The following NME7 variants were observed in gnomAD, a reference collection of about 807,000 sequenced individuals.
NME7 encodes the protein NME/NM23 family member 7, also known as nucleoside diphosphate kinase 7.
A neutral mutation model predicts 49.1 loss-of-function variants in NME7; 41 were observed. That is an observed-to-expected ratio of 0.83 (90% CI 0.65 to 1.08). The LOEUF is 1.08. Ranked by LOEUF, NME7 falls within the 50% of genes least tolerant of loss-of-function variation. NME7 has a pLI of 0.00. For synonymous variants in NME7, 139 were observed against 150.6 expected, an observed-to-expected ratio of 0.92 and a Z score of 0.56; for missense variants, 423 against 463.4, an observed-to-expected ratio of 0.91 and a Z score of 0.80.
At chr1:169,158,657 C>T (rs751978700) in intron 11 of NME7, among the ~76,000 whole-genome samples, 2 of 152,088 alleles carry the variant, frequency 1.3e-5, no homozygotes, top group Non-Finnish European at 2.9e-5. Context: ...GATTGGGAAC[C>T]GCTGCACTAG....
chr1:169,256,356 C>T (rs1466179271), intron 7 of NME7, among the ~76,000 whole-genome samples: 2 of 134,282 alleles, frequency 1.5e-5, no homozygotes, highest in African/African-American at 5.0e-5. Flanking sequence ...TTGATCGCAT[C>T]GACTCCTGAG....
chr1:169,258,405 T>TATATATATACAC (rs1422519342), intron 7 of NME7, among the ~76,000 whole-genome samples: 5 of 68,786 alleles, frequency 7.3e-5, no homozygotes, highest in African/African-American at 2.6e-4. Flanking sequence ...TATATATATA[T>TATATATATACAC]ACACACACAC....
intron 2 of NME7, among the ~76,000 whole-genome samples, chr1:169,323,807 TC>T (rs1226290818): frequency 4.6e-5 from 7 of 151,092 alleles, no homozygotes; most frequent in Non-Finnish European, 4.4e-5. Flanking sequence ...TTATTTCTTA[TC>T]CAAAACATGA....
chr1:169,180,741 C>T (rs1255424685), intron 10 of NME7, among the ~76,000 whole-genome samples: 2 of 152,068 alleles, frequency 1.3e-5, no homozygotes, highest in Admixed American at 1.3e-4. Flanking sequence ...ATTTATTTAA[C>T]CCTATATATT....
chr1:169,137,305 G>T lies in NME7; in HGVS notation c.1099-4488C>A, dbSNP rs569751975. ...ATTCTTAATGAATTTTGAAAAAAAGGCCTGACATTTTTATTCTGCACCAGT... is the reference window on the plus strand; with the variant it reads ...ATTCTTAATGAATTTTGAAAAAAAGTCCTGACATTTTTATTCTGCACCAGT... On this transcript the variant is annotated intron_variant, in intron 11 of 11. Coordinates refer to ENST00000367811, the MANE Select transcript of NME7 (RefSeq NM_013330.5). 3.3e-5 allele frequency among the ~76,000 whole-genome samples: 5 copies of T among 152,342 alleles called. No homozygotes were observed. In the South Asian group the frequency reaches 6.2e-4, roughly 19 times the overall value.
chr1:169,206,604 G>A (rs1660680787), intron 10 of NME7, among the ~76,000 whole-genome samples: 1 of 152,038 alleles, frequency 6.6e-6, no homozygotes, highest in South Asian at 2.1e-4. Flanking sequence ...GCCTGATGGA[G>A]CCTATGAACC....
chr1:169,275,196 C>T (rs34276437), intron 7 of NME7, among the ~76,000 whole-genome samples: 11,800 of 131,224 alleles, frequency 0.09, 3,160 homozygotes, highest in East Asian at 0.75. Context: ...CCTTATAAGT[C>T]GGATTCCTAC....
intron 7 of NME7, chr1:169,284,500 T>A (rs572137568): frequency 3.0e-4 from 45 of 152,256 alleles, no homozygotes; most frequent in African/African-American, 9.6e-4. Flanking sequence ...GTGAAATGGA[T>A]AGATTGCAAA....
At chr1:169,280,019 A>T (rs1455271424) in intron 7 of NME7, among the ~76,000 whole-genome samples, 3 of 152,136 alleles carry the variant, frequency 2.0e-5, no homozygotes, top group Non-Finnish European at 1.5e-5. Context: ...CCAATTCTAG[A>T]TCCTTGAGGA....
At chr1:169,300,258 CA>C (rs1650887091) in intron 5 of NME7, among the ~76,000 whole-genome samples, 1 of 151,964 alleles carries the variant, frequency 6.6e-6, no homozygotes, top group Non-Finnish European at 1.5e-5. Context: ...AAGTTTATAC[CA>C]AAAGATAATT....
At chr1:169,192,142 GA>G (rs1383507747) in intron 10 of NME7, among the ~76,000 whole-genome samples, 1 of 152,158 alleles carries the variant, frequency 6.6e-6, no homozygotes, top group Non-Finnish European at 1.5e-5. Flanking sequence ...ATACATAAAA[GA>G]TAAACTATAC....
At chr1:169,238,729 G>A (rs542597910) in intron 7 of NME7, among the ~76,000 whole-genome samples, 3 of 151,978 alleles carry the variant, frequency 2.0e-5, no homozygotes, top group South Asian at 2.1e-4. Context: ...ATAGCATGCT[G>A]TAGAAACAAA....
At chr1:169,216,554 T>C (rs1660978698) in intron 10 of NME7, among the ~76,000 whole-genome samples, 1 of 152,266 alleles carries the variant, frequency 6.6e-6, no homozygotes, top group Non-Finnish European at 1.5e-5. Context: ...TAAACGTGTT[T>C]CCCTTAGTTC....
intron 10 of NME7, among the ~76,000 whole-genome samples, chr1:169,212,004 G>A (rs1185540729): frequency 6.6e-6 from 1 of 151,992 alleles, no homozygotes; most frequent in East Asian, 1.9e-4. Context: ...TATATTCACA[G>A]AGAGAGTAAT....
chr1:169,341,172 C>T (rs531419319), intron 1 of NME7, among the ~76,000 whole-genome samples: 17 of 152,192 alleles, frequency 1.1e-4, no homozygotes, highest in Non-Finnish European at 1.3e-4. Flanking sequence ...AGGCCTGGGG[C>T]CCCACTGCTC....
chr1:169,360,567 C>T (rs1653617624), intron 1 of NME7, among the ~76,000 whole-genome samples: 1 of 152,208 alleles, frequency 6.6e-6, no homozygotes, highest in African/African-American at 2.4e-5. Flanking sequence ...CAGCTGTCCT[C>T]TCATTCCCTA....
At chr1:169,157,744 C>G (rs1203009120) in intron 11 of NME7, among the ~76,000 whole-genome samples, 1 of 152,208 alleles carries the variant, frequency 6.6e-6, no homozygotes, top group Non-Finnish European at 1.5e-5. Flanking sequence ...CTGCTGCTTC[C>G]AACTGTCAGT....
intron 10 of NME7, among the ~76,000 whole-genome samples, chr1:169,189,785 T>C (rs1335791140): frequency 1.3e-5 from 2 of 152,188 alleles, no homozygotes; most frequent in Non-Finnish European, 2.9e-5. Context: ...GTACTGTTTG[T>C]ACAACTAATG....
rs1190434187 is a variant in NME7 at position 169,258,251 on chromosome 1, A to T, written c.755-20564T>A. On this transcript the variant is annotated intron_variant, in intron 7 of 11. Transcript: ENST00000367811. ...GCTCTGCTTGGGAGGCTGAGGTGGA[A>T]GGATCACTTGACTGCAGGAGGTTGT... 3.2e-5 allele frequency among the ~76,000 whole-genome samples: 4 copies of T among 126,674 alleles called. No individual in the cohort carries two copies. The East Asian group carries it at 8.1e-4, about 26-fold the overall frequency. The allele number at this position is 126,674 out of a possible 152,430, so 83.1% of individuals were successfully genotyped here.
Sources: allele counts gnomAD v4.1 joint callset (sites outside exome capture counted in the v4.1 genomes callset), GRCh38; gene constraint gnomAD v4.1.1; transcripts MANE v1.5; gene names NCBI Gene and HGNC (gene_info 2026-07-23, HGNC 2026-07-21).